PAICS: variants seen among roughly 807,000 people sequenced by gnomAD.
PAICS encodes phosphoribosylaminoimidazole carboxylase and phosphoribosylaminoimidazolesuccinocarboxamide synthase, also known as bifunctional phosphoribosylaminoimidazole carboxylase/phosphoribosylaminoimidazole succinocarboxamide synthetase.
PAICS carries 33 observed loss-of-function variants against 53.7 expected under a neutral mutation model. The observed-to-expected ratio is 0.61, with a 90% CI of 0.47 to 0.82. PAICS has a LOEUF of 0.82. Ranked by LOEUF, PAICS falls within the 40% of genes least tolerant of loss-of-function variation. The probability of loss-of-function intolerance (pLI) is 0.00; values close to 1 mark genes in which losing one functional copy is unlikely to be tolerated. For missense variants in PAICS, 394 were observed against 494.1 expected (o/e 0.80, Z 1.92); for synonymous variants, 141 against 167.2 (o/e 0.84, Z 1.21).
upstream of PAICS, chr4:56,436,120 G>T: frequency 6.8e-7 from 1 of 1,476,432 alleles, no homozygotes; most frequent in Non-Finnish European, 9.0e-7. Context: ...GCGTTGTTTC[G>T]TCCGATATCC....
At chr4:56,419,876 C>T in the PAICS span, 1 of 984,280 alleles carries the variant, frequency 1.0e-6, no homozygotes, top group Admixed American at 6.1e-5. Flanking sequence ...AACACGAATA[C>T]AAGATCGTAA....
intron 1 of PAICS, among the ~76,000 whole-genome samples, chr4:56,439,677 C>T (rs1181182734): frequency 1.3e-5 from 2 of 151,952 alleles, no homozygotes; most frequent in East Asian, 3.9e-4. Context: ...TTTATTGAGA[C>T]AGGGTCTCAC....
chr4:56,430,673 T>G, the PAICS span, among the ~76,000 whole-genome samples: 5 of 151,474 alleles, frequency 3.3e-5, no homozygotes, highest in Non-Finnish European at 7.4e-5. Flanking sequence ...GATAAAACTC[T>G]TGTGCGGTTA....
the PAICS span, chr4:56,410,540 T>A: frequency 1.0e-6 from 1 of 986,786 alleles, no homozygotes; most frequent in Non-Finnish European, 1.2e-6. Flanking sequence ...AGGAAAGCAC[T>A]GGACTGAGGA....
chr4:56,441,310 TTCTGCTATGAGAG>T (rs1718326315), intron 1 of PAICS, among the ~76,000 whole-genome samples: 1 of 152,206 alleles, frequency 6.6e-6, no homozygotes, highest in Non-Finnish European at 1.5e-5. Flanking sequence ...TCTAGTTCAG[TTCTGCTATGAGAG>T]GCAGGTTAAT....
chr4:56,432,963 T>C (rs1452918184), upstream of PAICS, among the ~76,000 whole-genome samples: 1 of 132,682 alleles, frequency 7.5e-6, no homozygotes, highest in Non-Finnish European at 1.6e-5. Context: ...CAGAGTACGA[T>C]ATATATATAC....
rs547075808 is a variant in PAICS at position 56,463,615 on chromosome 4, C to A, written c.*4077C>A. On this transcript the variant is annotated 3_prime_UTR_variant, in exon 9 of 9. Coordinates refer to ENST00000512576, the MANE Select transcript of PAICS (RefSeq NM_001079524.2). ...GGCTGAGGCAGGAGAATCGCTTGAA[C>A]CTGGAAGGCAGAGGTTGTGGTGAGC... 6.6e-6 allele frequency: 1 copy of A among 150,906 alleles called. No individual in the cohort carries two copies. The highest frequency in any genetic ancestry group is 2.0e-4 in the East Asian group (1 of 5,034). The allele number at this position is 150,906 out of a possible 1,614,324, so 9.3% of individuals were successfully genotyped here.
upstream of PAICS, chr4:56,435,901 C>G (rs752603269): frequency 6.7e-7 from 1 of 1,487,060 alleles, no homozygotes; most frequent in African/African-American, 1.4e-5. Flanking sequence ...CCCTTCCCTG[C>G]ATGCTTCCCC....
At chr4:56,433,366 T>C (rs1387966303), upstream of PAICS, among the ~76,000 whole-genome samples, 2 of 131,386 alleles carry the variant, frequency 1.5e-5, no homozygotes, top group East Asian at 2.2e-4. Context: ...AGAAAACAGA[T>C]ATATGTAACC....
At chr4:56,458,227 A>G (rs1340044379) in intron 8 of PAICS, among the ~76,000 whole-genome samples, 1 of 152,144 alleles carries the variant, frequency 6.6e-6, no homozygotes, top group African/African-American at 2.4e-5. Flanking sequence ...TAACCTGTGT[A>G]AAATCCTGAA....
At chr4:56,433,039 T>TA (rs1200857385), upstream of PAICS, among the ~76,000 whole-genome samples, 1 of 151,040 alleles carries the variant, frequency 6.6e-6, no homozygotes, top group African/African-American at 2.4e-5. Context: ...AAAAAGTTCT[T>TA]AGTTTTATTC....
chr4:56,453,744 C>T lies in PAICS; in HGVS notation c.1094C>T (p.Ser365Phe), dbSNP rs1246112510. 1.9e-6 allele frequency: 3 copies of T among 1,546,578 alleles called. No individual in the cohort carries two copies. In the East Asian group the frequency reaches 7.3e-5, roughly 38 times the overall value. The part of the protein sequence containing the change: ...PDWGVQDVWS[S>F]LRLPSGLGCS... ...TGGGGAGTTCAGGATGTGTGGTCTT[C>T]TCTTCGACTACCCAGTGGTAAGATA... Residue 365 changes from serine to phenylalanine, a missense_variant, in exon 8 of 9, where the codon TCT becomes TTT. Physicochemically the swap from Ser to Phe is radical, Grantham distance 155 (BLOSUM62 -2). Around this residue, in one of 3 missense-constraint regions of PAICS, gnomAD observed 95 missense variants for 89.3 expected, o/e 1.06. Coordinates refer to ENST00000512576, the MANE Select transcript of PAICS (RefSeq NM_001079524.2).
chr4:56,413,585 T>C, the PAICS span, among the ~76,000 whole-genome samples: 1 of 152,178 alleles, frequency 6.6e-6, no homozygotes, highest in Non-Finnish European at 1.5e-5. Context: ...GAAGGGACTT[T>C]CCAAATTTGA....
chr4:56,436,038 G>T (rs1428918436), upstream of PAICS: 1 of 1,519,584 alleles, frequency 6.6e-7, no homozygotes, highest in Non-Finnish European at 8.8e-7. Context: ...GCCTGTCCGG[G>T]CACTGCGCCA....
At chr4:56,421,813 C>G in the PAICS span, 9 of 148,946 alleles carry the variant, frequency 6.0e-5, no homozygotes, top group African/African-American at 2.2e-4. Flanking sequence ...GCTGGAGATG[C>G]AGCTAAAGAT....
chr4:56,421,038 C>A, the PAICS span: 1 of 152,132 alleles, frequency 6.6e-6, no homozygotes, highest in Non-Finnish European at 1.5e-5. Flanking sequence ...GAGTGGTGGG[C>A]GAGCCAAGCT....
chr4:56,440,165 G>A (rs898606341), intron 1 of PAICS, among the ~76,000 whole-genome samples: 1 of 152,198 alleles, frequency 6.6e-6, no homozygotes, highest in Non-Finnish European at 1.5e-5. Flanking sequence ...AAGTTTTCCA[G>A]GCCTAGGAAA....
chr4:56,435,655 A>G, upstream of PAICS: 3 of 1,431,542 alleles, frequency 2.1e-6, no homozygotes, highest in Non-Finnish European at 2.8e-6. Context: ...TGGCCAGCTC[A>G]GCCCTGCTCC....
upstream of PAICS, among the ~76,000 whole-genome samples, chr4:56,432,005 A>G (rs888512118): frequency 6.6e-6 from 1 of 152,222 alleles, no homozygotes; most frequent in African/African-American, 2.4e-5. Flanking sequence ...GAACTACTAA[A>G]AACGGGGAGT....
Sources: gnomAD v4.1 joint callset for allele counts (sites outside exome capture counted in the v4.1 genomes callset) on GRCh38, gnomAD v4.1.1 for gene constraint, gnomAD v4.1.1 regional missense constraint, MANE v1.5 for transcripts, NCBI Gene and HGNC (gene_info 2026-07-23, HGNC 2026-07-21) for gene names.